The following ZNF385D variants were observed in gnomAD, a reference collection of about 807,000 sequenced individuals.
The protein encoded by ZNF385D is zinc finger protein 385D.
In ZNF385D, 15 loss-of-function variants were observed where a neutral mutation model predicts 35.8. The ratio of observed to expected loss-of-function variants is 0.42; its 90% CI spans 0.28 to 0.64. The LOEUF is 0.64. Among genes scored for constraint, ZNF385D ranks in the 30% least tolerant of loss-of-function variants. ZNF385D has a pLI of 0.23. For missense variants in ZNF385D, 474 were observed against 494.6 expected (o/e 0.96, Z 0.39); for synonymous variants, 212 against 186.8 (o/e 1.13, Z -1.10).
intron 3 of ZNF385D, among the ~76,000 whole-genome samples, chr3:22,091,487 C>A (rs976594795): frequency 6.6e-6 from 1 of 152,096 alleles, no homozygotes; most frequent in Non-Finnish European, 1.5e-5. Flanking sequence ...AATCAGAACA[C>A]CCTGGTCTGT....
chr3:21,852,278 T>C (rs1408742378), intron 3 of ZNF385D, among the ~76,000 whole-genome samples: 1 of 151,944 alleles, frequency 6.6e-6, no homozygotes, highest in African/African-American at 2.4e-5. Flanking sequence ...TAAGATTCCT[T>C]ATTCCTTAAG....
intron 3 of ZNF385D, among the ~76,000 whole-genome samples, chr3:21,856,301 C>T (rs549697476): frequency 7.2e-5 from 11 of 151,876 alleles, no homozygotes; most frequent in Non-Finnish European, 1.3e-4. Flanking sequence ...ATCCATGGAC[C>T]CCTCTACTTT....
rs71044974 is a variant in ZNF385D at position 22,123,962 on chromosome 3, CTATATATATATA to C, written c.325+44843_325+44854del. Among the ~76,000 whole-genome samples, 184 of 61,842 alleles carry C rather than the reference CTATATATATATA, an allele frequency of 3.0e-3. 1 individual carries two copies. Among genetic ancestry groups the C allele is most frequent in the Admixed American group, 7.9e-3 (43 of 5,456 alleles). The allele number at this position is 61,842 out of a possible 152,430, so 40.6% of individuals were successfully genotyped here. On this transcript the variant is annotated intron_variant, in intron 3 of 5. Coordinates refer to the ZNF385D transcript ENST00000494108. ...TCTCTCTCTCTCTCTCTCTCTCTCT[CTATATATATATA>C]TATATATATATATATTGCTGACTGA...
At chr3:22,333,510 ATTGGTCTTCAATTTCACTGAAC>A (rs1466763093) in intron 2 of ZNF385D, among the ~76,000 whole-genome samples, 2 of 151,956 alleles carry the variant, frequency 1.3e-5, no homozygotes, top group African/African-American at 4.8e-5. Context: ...ATTCCTATTA[ATTGGTCTTCAATTTCACTGAAC>A]TTCTGTTGTC....
At chr3:21,885,716 A>T (rs57311994) in intron 3 of ZNF385D, among the ~76,000 whole-genome samples, 1 of 147,328 alleles carries the variant, frequency 6.8e-6, no homozygotes, top group African/African-American at 2.5e-5. Context: ...TTTTCCATGG[A>T]AATAGAACAG....
chr3:21,441,781 C>T (rs1701872959), intron 4 of ZNF385D: 1 of 975,164 alleles, frequency 1.0e-6, no homozygotes, highest in African/African-American at 1.8e-5. Context: ...ATTCGCTTTT[C>T]TTACTGTTTC....
chr3:22,194,327 TTTG>T (rs892847501), intron 2 of ZNF385D, among the ~76,000 whole-genome samples: 187 of 151,956 alleles, frequency 1.2e-3, no homozygotes, highest in African/African-American at 4.4e-3. Flanking sequence ...ACCCTAGGGC[TTTG>T]TTGTTGTTGT....
chr3:22,176,407 C>G (rs966576304), intron 2 of ZNF385D, among the ~76,000 whole-genome samples: 6 of 152,292 alleles, frequency 3.9e-5, no homozygotes, highest in African/African-American at 1.4e-4. Flanking sequence ...AAAATGAGAA[C>G]ATTTTAATTA....
intron 1 of ZNF385D, among the ~76,000 whole-genome samples, chr3:21,744,125 G>A (rs1298132998): frequency 6.6e-6 from 1 of 152,164 alleles, no homozygotes; most frequent in Non-Finnish European, 1.5e-5. Context: ...CTAGCTTTGT[G>A]ACCTTGAGAA....
At chr3:21,764,125 G>A (rs545194300) in intron 3 of ZNF385D, among the ~76,000 whole-genome samples, 13 of 152,220 alleles carry the variant, frequency 8.5e-5, no homozygotes, top group African/African-American at 2.6e-4. Flanking sequence ...TAAAGAACGC[G>A]GTTGATTTGA....
rs545501577 is a variant in ZNF385D at position 21,907,581 on chromosome 3, C to T, written c.326-242553G>A. Among the ~76,000 whole-genome samples, 20 of 151,986 alleles carry T rather than the reference C, an allele frequency of 1.3e-4. No homozygotes were observed. The East Asian group carries it at 2.9e-3, about 22-fold the overall frequency. On this transcript the variant is annotated intron_variant, in intron 3 of 5. Transcript: ENST00000494108. ...TGGACATTTTGATCATAAATGTGCA[C>T]GAGTCAGATTAGTCCTAAATGTGGA... is the stretch of plus-strand genomic sequence containing the variant.
At chr3:22,321,043 C>T (rs1305311849) in intron 2 of ZNF385D, among the ~76,000 whole-genome samples, 1 of 151,704 alleles carries the variant, frequency 6.6e-6, no homozygotes, top group Non-Finnish European at 1.5e-5. Context: ...TACATGCAAG[C>T]TCCTAATTTT....
intron 2 of ZNF385D, among the ~76,000 whole-genome samples, chr3:22,324,778 C>T (rs986288365): frequency 7.2e-5 from 11 of 152,188 alleles, no homozygotes; most frequent in African/African-American, 2.7e-4. Flanking sequence ...CTACTCAATA[C>T]TGTGTCCCCT....
rs1487471863 is a variant in ZNF385D, at chr3:21,419,821, A to C, written c.*1393T>G. 1 of 151,848 alleles carries C rather than the reference A, an allele frequency of 6.6e-6. No individual in the cohort carries two copies. Among genetic ancestry groups the C allele is most frequent in the Non-Finnish European group, 1.5e-5 (1 of 67,936 alleles). 9.4% of individuals were successfully genotyped at this position (151,848 alleles called of 1,614,324 possible). A position where few individuals can be genotyped will look rare whatever the true frequency, so the allele number is the denominator to read the frequency against. On this transcript the variant is annotated 3_prime_UTR_variant, in exon 8 of 8. Transcript: ENST00000281523. ...TATTTTATATAGATTTTTTCTTTTT[A>C]TAACTTATTCTCTTAATCTTTCTAA...
Position 22,156,762 on chromosome 3 carries a change from T to G in ZNF385D, c.325+12055A>C, listed in dbSNP as rs376035739. The stretch of plus-strand genomic sequence containing the variant: ...TTTCTAACTAAATGTTACTGTAGAC[T>G]CCCATTTAAAGGACCGAACGCATAC... On this transcript the variant is annotated intron_variant, in intron 3 of 5. Coordinates refer to the ZNF385D transcript ENST00000494108. Among the ~76,000 whole-genome samples, 82 of 152,156 alleles carry G rather than the reference T, an allele frequency of 5.4e-4. 1 individual carries two copies. In the South Asian group the frequency reaches 0.015, roughly 28 times the overall value.
At chr3:22,319,623 C>A (rs1575111108) in intron 2 of ZNF385D, among the ~76,000 whole-genome samples, 2 of 152,188 alleles carry the variant, frequency 1.3e-5, no homozygotes, top group South Asian at 4.1e-4. Context: ...AGTTCATGGG[C>A]TCTAGTTTGT....
intron 3 of ZNF385D, among the ~76,000 whole-genome samples, chr3:21,816,847 A>T (rs747742301): frequency 1.3e-4 from 20 of 152,226 alleles, no homozygotes; most frequent in Non-Finnish European, 2.8e-4. Context: ...GAAAGTGCAT[A>T]TGGAGCAAAA....
chr3:21,889,434 G>T (rs1274875767), intron 3 of ZNF385D, among the ~76,000 whole-genome samples: 2 of 152,174 alleles, frequency 1.3e-5, no homozygotes, highest in African/African-American at 4.8e-5. Flanking sequence ...AGTAGGAGAT[G>T]ATCCCCAGTG....
At chr3:22,249,289 CA>C (rs1470225827) in intron 2 of ZNF385D, among the ~76,000 whole-genome samples, 1 of 152,162 alleles carries the variant, frequency 6.6e-6, no homozygotes, top group Admixed American at 6.6e-5. Context: ...CCCATATTAG[CA>C]ACTGTCTTAA....
Sources: allele counts gnomAD v4.1 joint callset (sites outside exome capture counted in the v4.1 genomes callset), GRCh38; gene constraint gnomAD v4.1.1; transcripts MANE v1.5; gene names NCBI Gene and HGNC (gene_info 2026-07-23, HGNC 2026-07-21).